BICC1: variants seen among roughly 807,000 people sequenced by gnomAD.
The protein encoded by BICC1 is protein bicaudal C homolog 1.
A neutral mutation model predicts 111.0 loss-of-function variants in BICC1; 43 were observed. That is an observed-to-expected ratio of 0.39 (90% CI 0.30 to 0.50). The LOEUF (loss-of-function observed/expected upper bound fraction) is 0.50. Among genes scored for constraint, BICC1 ranks in the 20% least tolerant of loss-of-function variants. BICC1 has a pLI of 0.88. For missense variants in BICC1, 1,091 were observed against 1,203.2 expected, an observed-to-expected ratio of 0.91 and a Z score of 1.38; for synonymous variants, 467 against 434.4, an observed-to-expected ratio of 1.07 and a Z score of -0.93.
chr10:58,530,949 A>T (rs945031752), intron 1 of BICC1, among the ~76,000 whole-genome samples: 1 of 151,876 alleles, frequency 6.6e-6, no homozygotes, highest in African/African-American at 2.4e-5. Flanking sequence ...ATCACTTATG[A>T]AGTCACAGAA....
intron 3 of BICC1, among the ~76,000 whole-genome samples, chr10:58,778,353 T>C (rs1842801456): frequency 6.6e-6 from 1 of 152,154 alleles, no homozygotes; most frequent in Non-Finnish European, 1.5e-5. Flanking sequence ...ACACGCATAA[T>C]TTTTGACTCC....
At chr10:58,719,760 C>T (rs1178566171) in intron 3 of BICC1, among the ~76,000 whole-genome samples, 1 of 152,184 alleles carries the variant, frequency 6.6e-6, no homozygotes, top group Non-Finnish European at 1.5e-5. Flanking sequence ...TTAAAGTTTA[C>T]ATTATCATTA....
intron 6 of BICC1, 80 bp downstream of exon 6, chr10:58,788,503 T>A: frequency 9.8e-7 from 1 of 1,020,420 alleles, no homozygotes. Context: ...TAATAATTTA[T>A]CATTTTATAA....
chr10:58,581,279 CAG>C (rs1299092268), intron 1 of BICC1, among the ~76,000 whole-genome samples: 1 of 152,026 alleles, frequency 6.6e-6, no homozygotes, highest in African/African-American at 2.4e-5. Flanking sequence ...GTACTTAAAA[CAG>C]AGCCACAAAA....
intron 1 of BICC1, among the ~76,000 whole-genome samples, chr10:58,559,084 T>C (rs1843535738): frequency 6.8e-6 from 1 of 146,038 alleles, no homozygotes; most frequent in African/African-American, 2.5e-5. Flanking sequence ...GCTAACTTCA[T>C]GATGTGTTTT....
chr10:58,808,093 CTTTTGAG>C (rs1843769350), intron 17 of BICC1, among the ~76,000 whole-genome samples: 1 of 137,310 alleles, frequency 7.3e-6, no homozygotes, highest in Non-Finnish European at 1.5e-5. Flanking sequence ...TTTTTTGTCT[CTTTTGAG>C]TAAGTGAAAA....
chr10:58,823,410 G>C, intron 20 of BICC1: 1 of 984,618 alleles, frequency 1.0e-6, no homozygotes, highest in Non-Finnish European at 1.2e-6. Flanking sequence ...TCTTCAGTAG[G>C]ACTTGACCTT....
chr10:58,620,155 A>C (rs1257213895), intron 1 of BICC1, among the ~76,000 whole-genome samples: 3 of 152,296 alleles, frequency 2.0e-5, no homozygotes, highest in East Asian at 3.9e-4. Context: ...CCCTCAAAAC[A>C]AATGAATACA....
At chr10:58,776,877 G>A (rs960931379) in intron 3 of BICC1, among the ~76,000 whole-genome samples, 3 of 151,964 alleles carry the variant, frequency 2.0e-5, no homozygotes, top group African/African-American at 4.8e-5. Context: ...AAGAGGCTGC[G>A]GGAAACTAAT....
chr10:58,796,604 G>A, intron 10 of BICC1, 78 bp downstream of exon 10: 9 of 1,391,414 alleles, frequency 6.5e-6, no homozygotes, highest in Non-Finnish European at 8.7e-6. Context: ...TACCATTCGG[G>A]TCTACATTTA....
chr10:58,686,230 A>T (rs1446077985), intron 2 of BICC1, among the ~76,000 whole-genome samples: 1 of 152,156 alleles, frequency 6.6e-6, no homozygotes, highest in Non-Finnish European at 1.5e-5. Flanking sequence ...CTGCCGAGAG[A>T]TCTGCTGTTA....
rs185235319 is a variant in BICC1 at position 58,602,896 on chromosome 10, G to A, written c.191-17959G>A. ...TTGTTTGCATGTCCACACTTACTCC[G>A]TAAACCTCTGGATTATAGACTTGGT... On this transcript the variant is annotated intron_variant, in intron 1 of 20. Transcript: ENST00000373886. Among the ~76,000 whole-genome samples the A allele has an allele frequency of 1.1e-4, 16 of 152,228 alleles. No homozygotes were observed. The East Asian group carries it at 1.2e-3, about 11-fold the overall frequency.
At chr10:58,806,400 G>T (rs1031669221) in intron 15 of BICC1, among the ~76,000 whole-genome samples, 184 bp from the exon 16 acceptor site, 1 of 151,896 alleles carries the variant, frequency 6.6e-6, no homozygotes, top group African/African-American at 2.4e-5. Flanking sequence ...TAATTAATTA[G>T]TGTTGGAAAC....
At chr10:58,716,783 G>C (rs1236047232) in intron 3 of BICC1, among the ~76,000 whole-genome samples, 5 of 148,442 alleles carry the variant, frequency 3.4e-5, no homozygotes, top group East Asian at 1.9e-4. Context: ...TTTAGGGTTG[G>C]GGGGGTGGTT....
chr10:58,701,274 A>G (rs1342346852), intron 2 of BICC1, among the ~76,000 whole-genome samples: 2 of 152,198 alleles, frequency 1.3e-5, no homozygotes, highest in Admixed American at 1.3e-4. Context: ...AGTTTGGTTA[A>G]TTCTATGTTT....
intron 1 of BICC1, among the ~76,000 whole-genome samples, chr10:58,550,822 A>G (rs1843276925): frequency 6.6e-6 from 1 of 151,944 alleles, no homozygotes; most frequent in Non-Finnish European, 1.5e-5. Flanking sequence ...CCAATTCTAC[A>G]GTTTGGATGG....
intron 3 of BICC1, among the ~76,000 whole-genome samples, chr10:58,727,968 C>CT (rs1262450304): frequency 6.6e-6 from 1 of 152,152 alleles, no homozygotes; most frequent in African/African-American, 2.4e-5. Context: ...ATTAAAAAAC[C>CT]TTTTTTGCTA....
intron 1 of BICC1, among the ~76,000 whole-genome samples, chr10:58,579,521 A>G (rs1447669555): frequency 6.6e-6 from 1 of 152,178 alleles, no homozygotes. Flanking sequence ...CTACTGGGGC[A>G]TCGGTTTTTC....
chr10:58,646,948 A>AG (rs1187409713), intron 2 of BICC1, among the ~76,000 whole-genome samples: 7 of 152,240 alleles, frequency 4.6e-5, no homozygotes, highest in African/African-American at 1.7e-4. Flanking sequence ...TTTTAAGTAA[A>AG]AATGGTATAT....
Sources: allele counts gnomAD v4.1 joint callset (sites outside exome capture counted in the v4.1 genomes callset), GRCh38; gene constraint gnomAD v4.1.1; transcripts MANE v1.5; gene names NCBI Gene and HGNC (gene_info 2026-07-23, HGNC 2026-07-21).